The following SPAST variants were observed in gnomAD, a reference collection of about 807,000 sequenced individuals.
The protein encoded by SPAST is spastic paraplegia 4 (autosomal dominant; spastin).
A neutral mutation model predicts 76.6 loss-of-function variants in SPAST; 30 were observed. That is an observed-to-expected ratio of 0.39 (90% CI 0.29 to 0.53). The LOEUF is 0.53. Ranked by LOEUF, SPAST falls within the 20% of genes least tolerant of loss-of-function variation. The probability of loss-of-function intolerance (pLI) is 0.68; values close to 1 mark genes in which losing one functional copy is unlikely to be tolerated. For synonymous variants in SPAST, 305 were observed against 281.0 expected, an observed-to-expected ratio of 1.09 and a Z score of -0.86; for missense variants, 717 against 770.5, an observed-to-expected ratio of 0.93 and a Z score of 0.82.
intron 1 of SPAST, among the ~76,000 whole-genome samples, chr2:32,079,142 C>A (rs1325766112): frequency 2.0e-5 from 3 of 152,144 alleles, no homozygotes; most frequent in Non-Finnish European, 4.4e-5. Flanking sequence ...TGCTCCACCT[C>A]TTAGTCTTTA....
intron 16 of SPAST, among the ~76,000 whole-genome samples, chr2:32,153,603 A>G (rs1680159620): frequency 6.6e-6 from 1 of 151,932 alleles, no homozygotes; most frequent in African/African-American, 2.4e-5. Flanking sequence ...GGTGTGAGCC[A>G]CCGTGCTTGG....
chr2:32,106,815 G>A (rs1296204576), intron 4 of SPAST, among the ~76,000 whole-genome samples: 1 of 151,504 alleles, frequency 6.6e-6, no homozygotes, highest in East Asian at 1.9e-4. Flanking sequence ...GCTGTTTCAA[G>A]TATCGATATA....
At chr2:32,064,902 A>G (rs1186270738) in intron 1 of SPAST, among the ~76,000 whole-genome samples, 2 of 152,204 alleles carry the variant, frequency 1.3e-5, no homozygotes, top group Non-Finnish European at 2.9e-5. Context: ...CCAAGTTGAA[A>G]TGTTTGATGA....
intron 1 of SPAST, among the ~76,000 whole-genome samples, chr2:32,085,609 C>T (rs1291770854): frequency 6.6e-6 from 1 of 152,140 alleles, no homozygotes; most frequent in Admixed American, 6.6e-5. Context: ...AATTCTATAA[C>T]ATAAGAAATT....
intron 12 of SPAST, among the ~76,000 whole-genome samples, chr2:32,139,933 A>G (rs1679663145): frequency 6.6e-6 from 1 of 152,126 alleles, no homozygotes; most frequent in South Asian, 2.1e-4. Context: ...AGTGTAAAGC[A>G]CTGCTAAAAT....
At position 32,085,581 on chromosome 2, in the gene SPAST, G is replaced by A. The variant is rs201709638; in HGVS notation, c.416-1911G>A. 3.3e-5 allele frequency among the ~76,000 whole-genome samples: 5 copies of A among 152,046 alleles called. No individual in the cohort carries two copies. In the East Asian group the frequency reaches 7.7e-4, roughly 23 times the overall value. The stretch of plus-strand genomic sequence containing the variant: ...TTTGAGCACCTACTGTCAACCAGCC[G>A]TAGTATATAATACTGATAATTCTAT... On this transcript the variant is annotated intron_variant, in intron 1 of 16. Transcript: ENST00000315285.
In SPAST at chr2:32,129,350, A is replaced by G. The variant is rs536341084; in HGVS notation, c.1245+871A>G. 2.6e-5 allele frequency: 4 copies of G among 152,030 alleles called. No homozygotes were observed. The East Asian group carries it at 7.7e-4, about 29-fold the overall frequency. The allele number at this position is 152,030 out of a possible 1,614,324, so 9.4% of individuals were successfully genotyped here. On this transcript the variant is annotated intron_variant, in intron 9 of 16. Coordinates refer to ENST00000315285, the MANE Select transcript of SPAST (RefSeq NM_014946.4). ...GCAATCCTCCTGCCTCGGACTCTCA[A>G]AGTGCTGGAATTACAAGTGTGAGCC...
intron 14 of SPAST, among the ~76,000 whole-genome samples, chr2:32,143,630 C>T (rs1249479035): frequency 1.3e-5 from 2 of 152,060 alleles, no homozygotes; most frequent in South Asian, 2.1e-4. Context: ...CTTTGCAAGA[C>T]GTGATCTAAT....
At chr2:32,083,724 ATATATACTATATATATT>A (rs1419021905) in intron 1 of SPAST, among the ~76,000 whole-genome samples, 2 of 75,168 alleles carry the variant, frequency 2.7e-5, no homozygotes, top group East Asian at 7.9e-4. Flanking sequence ...ATATATATTT[ATATATACTATATATATT>A]TATATATACT....
At chr2:32,072,435 A>G (rs1477811093) in intron 1 of SPAST, among the ~76,000 whole-genome samples, 1 of 152,118 alleles carries the variant, frequency 6.6e-6, no homozygotes, top group African/African-American at 2.4e-5. Context: ...GCTACAAAAC[A>G]TCTTAATATC....
At chr2:32,109,642 C>G (rs1264151586) in intron 4 of SPAST, among the ~76,000 whole-genome samples, 1 of 149,550 alleles carries the variant, frequency 6.7e-6, no homozygotes, top group Non-Finnish European at 1.5e-5. Context: ...TCAAAGAAGA[C>G]TTAATTCCCT....
At chr2:32,117,531 C>CCT (rs1388825426) in intron 7 of SPAST, among the ~76,000 whole-genome samples, 7 of 127,576 alleles carry the variant, frequency 5.5e-5, no homozygotes, top group Admixed American at 1.7e-4. Context: ...TAGAATAATT[C>CCT]TTTTTTTTTT....
intron 7 of SPAST, among the ~76,000 whole-genome samples, chr2:32,116,923 C>G (rs956255348): frequency 5.3e-5 from 8 of 152,006 alleles, no homozygotes; most frequent in African/African-American, 1.4e-4. Flanking sequence ...GCCAAGATGG[C>G]ACCACTGCAC....
At chr2:32,102,949 A>C (rs767905065) in intron 4 of SPAST, among the ~76,000 whole-genome samples, 4 of 152,162 alleles carry the variant, frequency 2.6e-5, no homozygotes, top group African/African-American at 7.2e-5. Context: ...TGTCTCTGCC[A>C]GGCTTTGGTA....
At chr2:32,103,201 G>T (rs150201908) in intron 4 of SPAST, among the ~76,000 whole-genome samples, 1 of 152,184 alleles carries the variant, frequency 6.6e-6, no homozygotes, top group African/African-American at 2.4e-5. Flanking sequence ...TTGGGAGGCT[G>T]TATGTGTCCA....
chr2:32,111,299 T>C lies in SPAST; in HGVS notation c.683-3339T>C, dbSNP rs1043330147. On this transcript the variant is annotated intron_variant, in intron 4 of 16. Coordinates refer to ENST00000315285, the MANE Select transcript of SPAST (RefSeq NM_014946.4). ...AGTATACTATATAGTGTGTATAGCG[T>C]ATATATACAGTATACTGTATAGTGT... Among the ~76,000 whole-genome samples the C allele has an allele frequency of 7.2e-5, 8 of 111,386 alleles. 2 individuals are homozygous for C. Among genetic ancestry groups the C allele is most frequent in the Admixed American group, 1.8e-4 (2 of 10,950 alleles). The allele number at this position is 111,386 out of a possible 152,430, so 73.1% of individuals were successfully genotyped here. A position where few individuals can be genotyped will look rare whatever the true frequency, so the allele number is the denominator to read the frequency against.
chr2:32,124,789 C>G (rs1233813433), intron 7 of SPAST, among the ~76,000 whole-genome samples: 1 of 152,118 alleles, frequency 6.6e-6, no homozygotes, highest in African/African-American at 2.4e-5. Context: ...AGAAGCCAGT[C>G]TGAAGAGGCT....
chr2:32,064,408 T>C (rs764726560), intron 1 of SPAST, among the ~76,000 whole-genome samples, 162 bp downstream of exon 1: 9 of 152,182 alleles, frequency 5.9e-5, no homozygotes, highest in Non-Finnish European at 1.2e-4. Flanking sequence ...GAGCCTCATC[T>C]TCTAGTATTC....
chr2:32,116,085 G>C (rs370247740), intron 6 of SPAST, 34 bp from the exon 7 acceptor site: 1 of 1,462,180 alleles, frequency 6.8e-7, no homozygotes, highest in Non-Finnish European at 9.6e-7. Context: ...GGCCCTGTTT[G>C]TATCGTAGAA....
Sources: allele counts gnomAD v4.1 joint callset (sites outside exome capture counted in the v4.1 genomes callset), GRCh38; gene constraint gnomAD v4.1.1; transcripts MANE v1.5; gene names NCBI Gene and HGNC (gene_info 2026-07-23, HGNC 2026-07-21).